PWWP2B: variants seen among roughly 807,000 people sequenced by gnomAD.
PWWP2B encodes PWWP domain-containing protein 2B.
A neutral mutation model predicts 15.5 loss-of-function variants in PWWP2B; 9 were observed. The observed-to-expected ratio is 0.58, with a 90% confidence interval of 0.35 to 1.02. The LOEUF (loss-of-function observed/expected upper bound fraction) is 1.02, where lower values mean the gene tolerates loss of function less well. PWWP2B is among the 50% of genes least tolerant of loss of function. The probability of loss-of-function intolerance (pLI) is 0.02; values close to 1 mark genes in which losing one functional copy is unlikely to be tolerated. For missense variants in PWWP2B, 864 were observed against 865.3 expected, an observed-to-expected ratio of 1.00 and a Z score of 0.02; for synonymous variants, 474 against 403.6, an observed-to-expected ratio of 1.17 and a Z score of -2.09.
intron 2 of PWWP2B, among the ~76,000 whole-genome samples, chr10:132,411,982 A>G (rs2069787756): frequency 1.3e-5 from 2 of 152,256 alleles, no homozygotes; most frequent in South Asian, 2.1e-4. Flanking sequence ...ATTTTGTTCC[A>G]GAAGGAAACA....
At chr10:132,409,920 G>A (rs1194680592) in intron 2 of PWWP2B, among the ~76,000 whole-genome samples, 1 of 152,086 alleles carries the variant, frequency 6.6e-6, no homozygotes, top group East Asian at 1.9e-4. Flanking sequence ...GTGGGGGCAA[G>A]TGTTCTAGGC....
In PWWP2B at chr10:132,405,520, G is replaced by C; in HGVS notation, c.1020G>C (p.Leu340=). 1 of 1,603,854 alleles carries C rather than the reference G, an allele frequency of 6.2e-7. No homozygotes were observed. The highest frequency in any genetic ancestry group is 1.3e-5 in the African/African-American group (1 of 75,034). The part of the protein sequence containing the change: ...PPKIRLKPHR[L]GDSEHEPVYR... ...AGATCCGCCTGAAGCCCCACCGTCT[G>C]GGGGACAGCGAGCACGAGCCCGTGT... Residue 340 remains leucine, a synonymous_variant, in exon 2 of 3, where the codon CTG becomes CTC. Coordinates refer to ENST00000305233, the MANE Select transcript of PWWP2B (RefSeq NM_138499.4).
Position 132,403,058 on chromosome 10 carries a change from C to T in PWWP2B, c.126-1568C>T, listed in dbSNP as rs1331397372. ...AGAGTTGAAGGCAGCCCGCTTCCCA[C>T]GGCTGCTGCAGGGCTCAGTGAGACC... On this transcript the variant is annotated intron_variant, in intron 1 of 2. Coordinates refer to ENST00000305233, the MANE Select transcript of PWWP2B (RefSeq NM_138499.4). Among the ~76,000 whole-genome samples the T allele has an allele frequency of 5.3e-5, 8 of 152,374 alleles. No individual in the cohort carries two copies. In the South Asian group the frequency reaches 6.2e-4, roughly 12 times the overall value.
At chr10:132,403,014 G>T (rs976768156) in intron 1 of PWWP2B, among the ~76,000 whole-genome samples, 5 of 152,336 alleles carry the variant, frequency 3.3e-5, no homozygotes, top group Admixed American at 2.6e-4. Context: ...TCCCTTTCTC[G>T]CGAAAGTCTT....
At chr10:132,404,537 G>A (rs946915387) in intron 1 of PWWP2B, 89 bp from the exon 2 acceptor site, 9 of 1,136,136 alleles carry the variant, frequency 7.9e-6, no homozygotes, top group Non-Finnish European at 1.0e-5. Context: ...GCCGGAGCAT[G>A]GGTCGGGGGC....
chr10:132,411,773 C>G (rs150013733), intron 2 of PWWP2B, among the ~76,000 whole-genome samples: 1 of 152,258 alleles, frequency 6.6e-6, no homozygotes, highest in Admixed American at 6.5e-5. Context: ...GAAGCAGCGA[C>G]GCCGCCGTCT....
intron 2 of PWWP2B, among the ~76,000 whole-genome samples, chr10:132,413,685 C>G (rs1488899573): frequency 6.6e-6 from 1 of 152,268 alleles, no homozygotes; most frequent in East Asian, 1.9e-4. Flanking sequence ...TTCCGGGCTT[C>G]CAGCCTAAGC....
chr10:132,405,024 A>C lies in PWWP2B; in HGVS notation c.524A>C (p.Gln175Pro). 6.5e-7 allele frequency: 1 copy of C among 1,530,186 alleles called. No homozygotes were observed. Among genetic ancestry groups the C allele is most frequent in the Non-Finnish European group, 8.7e-7 (1 of 1,142,926 alleles). The allele number at this position is 1,530,186 out of a possible 1,614,324, so 94.8% of individuals were successfully genotyped here. The change falls in exon 2 of 3, where the codon CAG (glutamine) becomes CCG (proline). Residue 175 changes from glutamine (Q) to proline (P), a missense_variant. Physicochemically the swap from Gln to Pro is moderately conservative, Grantham distance 76. Around this residue, in one of 2 missense-constraint regions of PWWP2B, gnomAD observed 736 missense variants for 687.7 expected, o/e 1.07. Transcript: ENST00000305233. The part of the protein sequence containing the change: ...ILSTIRLRPR[Q>P]VLCEKCKSTL... The stretch of plus-strand genomic sequence containing the variant: ...AGCACCATCCGCCTGCGGCCGCGCC[A>C]GGTGCTCTGTGAGAAGTGCAAGAGC...
chr10:132,416,227 C>T (rs573595103), intron 2 of PWWP2B, among the ~76,000 whole-genome samples: 17 of 152,308 alleles, frequency 1.1e-4, no homozygotes, highest in Admixed American at 2.0e-4. Context: ...GCCCATGGGG[C>T]GCCTTTGTCC....
Position 132,405,788 on chromosome 10 carries a change from G to A in PWWP2B, c.1288G>A (p.Glu430Lys), listed in dbSNP as rs1189428914. 1.2e-6 allele frequency: 2 copies of A among 1,607,328 alleles called. No individual in the cohort carries two copies. The highest frequency in any genetic ancestry group is 2.2e-5 in the East Asian group (1 of 44,858). The change falls in exon 2 of 3, where the codon GAG becomes AAG. Residue 430 changes from glutamate (E) to lysine (K), a missense_variant. Glu to Lys is a moderately conservative substitution (Grantham distance 56). Around this residue, in one of 2 missense-constraint regions of PWWP2B, gnomAD observed 736 missense variants for 687.7 expected, o/e 1.07. Transcript: ENST00000305233. ...ESACSSDSLD[E>K]ARSSGSEGTP... ...GGCGTGCAGCAGCGACAGCCTGGAC[G>A]AGGCCAGATCGTCCGGCTCGGAAGG...
At chr10:132,411,805 T>G (rs993290272) in intron 2 of PWWP2B, among the ~76,000 whole-genome samples, 1 of 152,196 alleles carries the variant, frequency 6.6e-6, no homozygotes, top group Non-Finnish European at 1.5e-5. Flanking sequence ...CTTTTCTGAT[T>G]GATGTTTTCC....
chr10:132,405,253 G>C lies in PWWP2B; in HGVS notation c.753G>C (p.Pro251=). The C allele has an allele frequency of 6.2e-7, 1 of 1,610,232 alleles. No individual in the cohort carries two copies. The highest frequency in any genetic ancestry group is 8.5e-7 in the Non-Finnish European group (1 of 1,179,068). The stretch of plus-strand genomic sequence containing the variant: ...CGGCAGAGCAGGTCCCGCGGAGCCC[G>C]GTCATCAAGATCTCCTACAGCACGC... ...RAPAEQVPRS[P]VIKISYSTPQ... is the part of the protein sequence containing the mutation. The change falls in exon 2 of 3, where the codon CCG becomes CCC. Residue 251 remains proline, a synonymous_variant. Coordinates refer to ENST00000305233, the MANE Select transcript of PWWP2B (RefSeq NM_138499.4).
intron 1 of PWWP2B, among the ~76,000 whole-genome samples, chr10:132,400,898 G>T (rs2069606852): frequency 6.6e-6 from 1 of 152,262 alleles, no homozygotes; most frequent in Non-Finnish European, 1.5e-5. Flanking sequence ...GCCAGGCAGG[G>T]GGCTGCCATG....
rs150675856 is a variant in PWWP2B at position 132,399,602 on chromosome 10, G to A, written c.125+2251G>A. ...AAGATTCTCTTGAGTGTCAGCCTGC[G>A]TGTACATCTGGGTGAGTTCACTGCA... On this transcript the variant is annotated intron_variant, in intron 1 of 2. Coordinates refer to ENST00000305233, the MANE Select transcript of PWWP2B (RefSeq NM_138499.4). Among the ~76,000 whole-genome samples the A allele has an allele frequency of 7.9e-3, 1,201 of 152,386 alleles. 11 individuals carry two copies. Among genetic ancestry groups the A allele is most frequent in the South Asian group, 0.024 (114 of 4,830 alleles).
intron 1 of PWWP2B, among the ~76,000 whole-genome samples, chr10:132,400,323 G>A (rs2069600170): frequency 6.6e-6 from 1 of 152,040 alleles, no homozygotes; most frequent in South Asian, 2.1e-4. Flanking sequence ...GGGTAAGGAG[G>A]GTGTGGGGTG....
rs778211614 is a variant in PWWP2B at position 132,397,237 on chromosome 10, G to A, written c.11G>A (p.Arg4His). ...GGACGCGGCGGGAGCATGGAGCCGC[G>A]CGCCGGCTGCCGGCTGCCGGTGCGG... MEP[R>H]AGCRLPVRVE... Residue 4 changes from arginine (R) to histidine (H), a missense_variant, in exon 1 of 3, where the codon CGC (arginine) becomes CAC (histidine). By Grantham distance (29) the Arg-to-His change is conservative. Around this residue, in one of 2 missense-constraint regions of PWWP2B, gnomAD observed 736 missense variants for 687.7 expected, o/e 1.07. Transcript: ENST00000305233. 8.5e-5 allele frequency: 104 copies of A among 1,216,558 alleles called. No individual in the cohort carries two copies. The highest frequency in any genetic ancestry group is 7.7e-5 in the Non-Finnish European group (75 of 968,730). The allele number at this position is 1,216,558 out of a possible 1,614,324, so 75.4% of individuals were successfully genotyped here. A position where few individuals can be genotyped will look rare whatever the true frequency, so the allele number is the denominator to read the frequency against.
chr10:132,404,280 A>T (rs2069651817), intron 1 of PWWP2B, among the ~76,000 whole-genome samples: 1 of 152,090 alleles, frequency 6.6e-6, no homozygotes, highest in Non-Finnish European at 1.5e-5. Context: ...GGGCCAGGTC[A>T]GGCCTCCTGG....
rs758231375 is a variant in PWWP2B at position 132,405,486 on chromosome 10, C to A, written c.986C>A (p.Pro329Gln). The change falls in exon 2 of 3, where the codon CCG becomes CAG. Residue 329 changes from proline to glutamine, a missense_variant. By Grantham distance (76) the Pro-to-Gln change is moderately conservative. This residue lies in a region of PWWP2B where 736 missense variants were observed against 687.7 expected (regional missense o/e 1.07). Coordinates refer to ENST00000305233, the MANE Select transcript of PWWP2B (RefSeq NM_138499.4). ...CCTGTGCCGGCCGGCGCGGACCTGC[C>A]GCCCCCTAAGATCCGCCTGAAGCCC... is the stretch of plus-strand genomic sequence containing the variant. Reference protein sequence around the residue: ...TRPVPAGADLPPPKIRLKPHR... With the variant: ...TRPVPAGADLQPPKIRLKPHR... 1 of 1,604,338 alleles carries A rather than the reference C, an allele frequency of 6.2e-7. No homozygotes were observed. Among genetic ancestry groups the A allele is most frequent in the Non-Finnish European group, 8.5e-7 (1 of 1,179,392 alleles).
Position 132,405,955 on chromosome 10 carries a change from C to G in PWWP2B, c.1455C>G (p.Gly485=), listed in dbSNP as rs745928680. The change falls in exon 2 of 3, where the codon GGC becomes GGG. Residue 485 remains glycine, a synonymous_variant. Coordinates refer to ENST00000305233, the MANE Select transcript of PWWP2B (RefSeq NM_138499.4). The part of the protein sequence containing the change: ...QSVSECITED[G]RTVAVGDIVW... Reference sequence around the variant, plus strand: ...TGTCGGAGTGCATCACGGAGGACGGCAGGACTGTGGCCGTGGGGGACATCG... The same window carrying G: ...TGTCGGAGTGCATCACGGAGGACGGGAGGACTGTGGCCGTGGGGGACATCG... The G allele has an allele frequency of 1.8e-5, 29 of 1,613,428 alleles. No individual in the cohort carries two copies. In the Middle Eastern group the frequency reaches 3.6e-3, roughly 202 times the overall value.
Sources: allele counts gnomAD v4.1 joint callset (sites outside exome capture counted in the v4.1 genomes callset), GRCh38; gene constraint gnomAD v4.1.1; regional missense constraint gnomAD v4.1.1; transcripts MANE v1.5; gene names NCBI Gene and HGNC (gene_info 2026-07-23, HGNC 2026-07-21).